The following SLC10A7 variants were observed in gnomAD, a reference collection of about 807,000 sequenced individuals.
SLC10A7 encodes the protein sodium/bile acid cotransporter 7.
SLC10A7 carries 29 observed loss-of-function variants against 43.2 expected under a neutral mutation model. That is an observed-to-expected ratio of 0.67 (90% CI 0.50 to 0.92). SLC10A7 has a LOEUF of 0.92. Ranked by LOEUF, SLC10A7 falls within the 40% of genes least tolerant of loss-of-function variation. SLC10A7 has a pLI of 0.00. For synonymous variants in SLC10A7, 152 were observed against 144.8 expected, an observed-to-expected ratio of 1.05 and a Z score of -0.35; for missense variants, 295 against 403.2, an observed-to-expected ratio of 0.73 and a Z score of 2.30.
chr4:146,416,455 G>A (rs1176615622), intron 5 of SLC10A7, among the ~76,000 whole-genome samples: 3 of 152,136 alleles, frequency 2.0e-5, no homozygotes, highest in African/African-American at 4.8e-5. Context: ...GAACACATTC[G>A]TTTCTTCACC....
At chr4:146,416,375 T>C (rs1422376398) in intron 5 of SLC10A7, among the ~76,000 whole-genome samples, 1 of 152,174 alleles carries the variant, frequency 6.6e-6, no homozygotes, top group Non-Finnish European at 1.5e-5. Context: ...AAAATATTTG[T>C]ATTTAATATA....
chr4:146,405,936 A>G (rs1443551976), intron 5 of SLC10A7, among the ~76,000 whole-genome samples: 1 of 152,174 alleles, frequency 6.6e-6, no homozygotes, highest in African/African-American at 2.4e-5. Context: ...ATCCAAGACT[A>G]GCAGGTATTT....
chr4:146,515,617 T>C (rs186691369), intron 2 of SLC10A7, among the ~76,000 whole-genome samples: 75 of 152,200 alleles, frequency 4.9e-4, no homozygotes, highest in African/African-American at 1.8e-3. Context: ...TATCAAAAAA[T>C]ACCCCAATGA....
intron 2 of SLC10A7, among the ~76,000 whole-genome samples, chr4:146,512,028 C>T (rs551061328): frequency 1.1e-4 from 13 of 119,776 alleles, no homozygotes; most frequent in African/African-American, 3.7e-4. Flanking sequence ...GGCTGGAGTG[C>T]GATGGTGCGA....
chr4:146,421,837 A>C (rs1728987868), intron 5 of SLC10A7, among the ~76,000 whole-genome samples: 1 of 152,154 alleles, frequency 6.6e-6, no homozygotes, highest in African/African-American at 2.4e-5. Context: ...AATTTTCAAG[A>C]TCTTCACACT....
intron 9 of SLC10A7, among the ~76,000 whole-genome samples, chr4:146,291,482 G>A (rs1730439720): frequency 1.3e-5 from 2 of 152,150 alleles, no homozygotes; most frequent in African/African-American, 2.4e-5. Context: ...CTGCTCTGAC[G>A]CTTTTTCAAG....
intron 6 of SLC10A7, among the ~76,000 whole-genome samples, chr4:146,309,380 TA>T (rs1041935098): frequency 6.6e-6 from 1 of 152,164 alleles, no homozygotes; most frequent in Admixed American, 6.6e-5. Flanking sequence ...TCTCAAATGT[TA>T]GCACATCAGA....
intron 1 of SLC10A7, among the ~76,000 whole-genome samples, chr4:146,519,335 A>AAG (rs1738400187): frequency 6.9e-6 from 1 of 145,618 alleles, no homozygotes; most frequent in African/African-American, 2.5e-5. Context: ...AACATAATAT[A>AAG]TAATATTATC....
intron 10 of SLC10A7, among the ~76,000 whole-genome samples, chr4:146,266,823 G>A (rs1037517347): frequency 6.6e-6 from 1 of 152,164 alleles, no homozygotes; most frequent in African/African-American, 2.4e-5. Context: ...TGTGACCTTG[G>A]TTGGGCAAGT....
intron 4 of SLC10A7, among the ~76,000 whole-genome samples, chr4:146,487,438 A>G (rs1041411904): frequency 6.6e-6 from 1 of 152,218 alleles, no homozygotes; most frequent in Non-Finnish European, 1.5e-5. Context: ...TATAAAGTAC[A>G]AGTGCTCAAT....
chr4:146,504,011 G>A (rs1736662650), intron 3 of SLC10A7, 87 bp from the exon 4 acceptor site: 4 of 1,133,708 alleles, frequency 3.5e-6, no homozygotes, highest in African/African-American at 1.5e-5. Flanking sequence ...GCAAGGCTGA[G>A]CAAATGAATA....
At chr4:146,487,891 C>G (rs907636157) in intron 4 of SLC10A7, among the ~76,000 whole-genome samples, 3 of 149,914 alleles carry the variant, frequency 2.0e-5, no homozygotes, top group Non-Finnish European at 4.4e-5. Context: ...CCTTTCTCTA[C>G]AAAATTAAAA....
At chr4:146,296,720 A>G (rs1730811661) in intron 7 of SLC10A7, among the ~76,000 whole-genome samples, 1 of 152,198 alleles carries the variant, frequency 6.6e-6, no homozygotes, top group Non-Finnish European at 1.5e-5. Context: ...GAGCTTTTCC[A>G]TCTTCCTCTA....
At chr4:146,496,355 G>A (rs1293380413) in intron 4 of SLC10A7, among the ~76,000 whole-genome samples, 1 of 152,062 alleles carries the variant, frequency 6.6e-6, no homozygotes, top group African/African-American at 2.4e-5. Flanking sequence ...ACAGACAAGG[G>A]GGCCTCAAAA....
Position 146,283,213 on chromosome 4 carries a change from T to C in SLC10A7, c.826A>G (p.Thr276Ala), listed in dbSNP as rs902489750. The change falls in exon 10 of 12, where the codon ACA becomes GCA. Residue 276 changes from threonine (T) to alanine (A), a missense_variant. By Grantham distance (58) the Thr-to-Ala change is moderately conservative (BLOSUM62 0). Transcript: ENST00000335472. Reference protein sequence around the residue: ...ADTVAIIFCSTHKSLTLGIPM... With the variant: ...ADTVAIIFCSAHKSLTLGIPM... ...TTACCCAATGTAAGGGATTTGTGTG[T>C]AGAACAGAAAATGATAGCCACTGTG... The C allele has an allele frequency of 3.3e-5, 53 of 1,613,348 alleles. No homozygotes were observed. Among genetic ancestry groups the C allele is most frequent in the Non-Finnish European group, 4.2e-5 (49 of 1,179,512 alleles).
chr4:146,394,725 T>C (rs1738689878), intron 5 of SLC10A7, among the ~76,000 whole-genome samples: 1 of 152,036 alleles, frequency 6.6e-6, no homozygotes, highest in Non-Finnish European at 1.5e-5. Flanking sequence ...TCCAAACATG[T>C]ACACACACAA....
intron 5 of SLC10A7, among the ~76,000 whole-genome samples, chr4:146,346,204 C>T (rs1734611461): frequency 6.6e-6 from 1 of 152,094 alleles, no homozygotes. Context: ...TGATGACCAA[C>T]TCTATTGGGG....
At chr4:146,384,976 T>C (rs1560857157) in intron 5 of SLC10A7, among the ~76,000 whole-genome samples, 1 of 152,140 alleles carries the variant, frequency 6.6e-6, no homozygotes, top group African/African-American at 2.4e-5. Flanking sequence ...CAATAATTTC[T>C]AAGAATCAAC....
At chr4:146,427,086 T>C (rs1410940436) in intron 5 of SLC10A7, among the ~76,000 whole-genome samples, 1 of 152,176 alleles carries the variant, frequency 6.6e-6, no homozygotes, top group Non-Finnish European at 1.5e-5. Context: ...AATCTAAAAG[T>C]GGCCAGACAT....
Sources: allele counts gnomAD v4.1 joint callset (sites outside exome capture counted in the v4.1 genomes callset), GRCh38; gene constraint gnomAD v4.1.1; transcripts MANE v1.5; gene names NCBI Gene and HGNC (gene_info 2026-07-23, HGNC 2026-07-21).